Variants in ELP6 observed in about 807,000 individuals in gnomAD.
The protein encoded by ELP6 is elongator acetyltransferase complex subunit 6.
A neutral mutation model predicts 28.1 loss-of-function variants in ELP6; 23 were observed. The ratio of observed to expected loss-of-function variants is 0.82; its 90% CI spans 0.59 to 1.16. The LOEUF is 1.16. ELP6 is among the 50% of genes most tolerant of loss of function. The pLI is 0.00. For missense variants in ELP6, 313 were observed against 334.6 expected, an observed-to-expected ratio of 0.94 and a Z score of 0.50; for synonymous variants, 132 against 135.8, an observed-to-expected ratio of 0.97 and a Z score of 0.19.
chr3:47,501,777 T>G lies in ELP6; in HGVS notation c.398A>C (p.Glu133Ala), dbSNP rs748370247. 6.8e-6 allele frequency: 11 copies of G among 1,613,824 alleles called. No individual in the cohort carries two copies. In the Admixed American group the frequency reaches 1.8e-4, roughly 27 times the overall value. Residue 133 changes from glutamate to alanine, a missense_variant, in exon 5 of 7, where the codon GAG becomes GCG. By Grantham distance (107) the Glu-to-Ala change is moderately radical. Coordinates refer to ENST00000296149, the MANE Select transcript of ELP6 (RefSeq NM_001031703.3). ...CAGCACCGGGTACGTCCACCGAGCC[T>G]CTCCACTGTCTACTGGCTTCAGGGC... ...REALKPVDSG[E>A]ARWTYPVLLV...
intron 5 of ELP6, chr3:47,499,778 G>T (rs2108077594): frequency 5.7e-6 from 6 of 1,055,492 alleles, no homozygotes; most frequent in Non-Finnish European, 5.7e-6. Context: ...GCATGGCCAG[G>T]CCGGGGTCTG....
chr3:47,502,860 G>GA (rs1384923480), intron 4 of ELP6, among the ~76,000 whole-genome samples: 1 of 151,982 alleles, frequency 6.6e-6, no homozygotes, highest in East Asian at 1.9e-4. Flanking sequence ...ATGAAAAGAA[G>GA]AAGTTAAACA....
At position 47,510,254 on chromosome 3, in the gene ELP6, G is replaced by C. The variant is rs1377178856; in HGVS notation, c.134C>G (p.Ala45Gly). Residue 45 changes from alanine to glycine, a missense_variant and splice_region_variant, in exon 3 of 7, where the codon GCT (alanine) becomes GGT (glycine). Transcript: ENST00000296149. ...VHHFLSFYLK[A>G]NCKVCFVALI... ...TGCCACAAAGCAGACTTTACAATTAGCTAGAAAACAAAACAATTATTTTAA... is the reference window on the plus strand; with the variant it reads ...TGCCACAAAGCAGACTTTACAATTACCTAGAAAACAAAACAATTATTTTAA... 6.2e-7 allele frequency: 1 copy of C among 1,611,690 alleles called. No homozygotes were observed.
At chr3:47,501,537 G>A (rs979526992) in intron 5 of ELP6, 113 bp downstream of exon 5, 4 of 1,140,624 alleles carry the variant, frequency 3.5e-6, no homozygotes, top group Non-Finnish European at 5.1e-6. Context: ...GCCTGCCAGA[G>A]TAAAGCCAAA....
intron 3 of ELP6, among the ~76,000 whole-genome samples, chr3:47,509,696 T>C (rs1318766713): frequency 6.6e-6 from 1 of 152,076 alleles, no homozygotes; most frequent in Non-Finnish European, 1.5e-5. Flanking sequence ...GCAGGTCTGG[T>C]TCTACGAAGT....
intron 6 of ELP6, chr3:47,497,166 A>G (rs909081253): frequency 5.9e-5 from 58 of 985,188 alleles, no homozygotes; most frequent in Non-Finnish European, 7.0e-5. Flanking sequence ...GTTCCAGAAG[A>G]GAAGTTTGAG....
rs779396596 is a variant in ELP6, at chr3:47,511,152, GA to G, written c.128del (p.Leu43ProfsTer30). ...CAGCATCAATGAGTCCCATACCTTT[GA>G]GATAGAAGGAGAGAAAGTGGTGTAC... ...FLVHHFLSFY[L>X]KANCKVCFVA... On this transcript the variant is annotated frameshift_variant, in exon 2 of 7. Transcript: ENST00000296149. LOFTEE classifies it high-confidence loss of function. 18 of 1,613,540 alleles carry G rather than the reference GA, an allele frequency of 1.1e-5. No individual in the cohort carries two copies. The highest frequency in any genetic ancestry group is 8.3e-5 in the Admixed American group (5 of 59,972).
chr3:47,501,109 T>C (rs1409068264), intron 5 of ELP6, among the ~76,000 whole-genome samples: 1 of 152,212 alleles, frequency 6.6e-6, no homozygotes, highest in Non-Finnish European at 1.5e-5. Flanking sequence ...AGTATTTACA[T>C]CTAAATGATC....
chr3:47,511,496 C>T (rs760865819), intron 1 of ELP6: 16 of 1,230,482 alleles, frequency 1.3e-5, no homozygotes, highest in Middle Eastern at 3.3e-4. Flanking sequence ...AAACTTATTT[C>T]TCTTCCTCAC....
Position 47,501,922 on chromosome 3 carries a change from G to T in ELP6, c.324-71C>A. On this transcript the variant is annotated intron_variant, in intron 4 of 6. Transcript: ENST00000296149. ...ATGTTTATCAAGGACCAAGTAGCAC[G>T]ACAGGAGAGGGCTAAGGGGGACAAA... 4 of 1,402,578 alleles carry T rather than the reference G, an allele frequency of 2.9e-6. No homozygotes were observed. The South Asian group carries it at 3.8e-5, about 13-fold the overall frequency. 86.9% of individuals were successfully genotyped at this position (1,402,578 alleles called of 1,614,324 possible). A position where few individuals can be genotyped will look rare whatever the true frequency, so the allele number is the denominator to read the frequency against.
At chr3:47,508,538 C>G (rs1448807428) in intron 3 of ELP6, among the ~76,000 whole-genome samples, 1 of 152,148 alleles carries the variant, frequency 6.6e-6, no homozygotes, top group Non-Finnish European at 1.5e-5. Context: ...TGGGTTTTAT[C>G]AAATGCTTTT....
chr3:47,496,934 C>T, intron 6 of ELP6: 2 of 985,436 alleles, frequency 2.0e-6, no homozygotes, highest in Non-Finnish European at 1.2e-6. Context: ...GACTACAATG[C>T]TCTGGGGGTC....
At chr3:47,499,693 C>CAAAAAAAAAAAAAAAA (rs11368069) in intron 5 of ELP6, 1 of 591,854 alleles carries the variant, frequency 1.7e-6, no homozygotes, top group Non-Finnish European at 1.9e-6. Flanking sequence ...AACTCCGTCT[C>CAAAAAAAAAAAAAAAA]AAAAAAAAAA....
intron 3 of ELP6, chr3:47,509,824 C>T (rs372916446): frequency 4.3e-5 from 7 of 161,786 alleles, no homozygotes; most frequent in East Asian, 1.7e-4. Context: ...AGCTGGAGTG[C>T]GATCTCAGCT....
chr3:47,502,299 A>G lies in ELP6; in HGVS notation c.324-448T>C, dbSNP rs976056391. ...GTGGCGCACACCTGTAATACCAGCC[A>G]CTCAGGAGGCTGAGGCAGGAGAATT... On this transcript the variant is annotated intron_variant, in intron 4 of 6. Coordinates refer to ENST00000296149, the MANE Select transcript of ELP6 (RefSeq NM_001031703.3). 9.3e-5 allele frequency: 50 copies of G among 534,780 alleles called. No homozygotes were observed. In the African/African-American group the frequency reaches 9.8e-4, roughly 10 times the overall value. The allele number at this position is 534,780 out of a possible 1,614,324, so 33.1% of individuals were successfully genotyped here.
chr3:47,502,415 CAAAAAAAAAAAAAA>C, intron 4 of ELP6: 2 of 882,996 alleles, frequency 2.3e-6, no homozygotes, highest in Middle Eastern at 5.9e-4. Context: ...GACTCTGTCT[CAAAAAAAAAAAAAA>C]AAAAAAAAAA....
At chr3:47,503,546 C>A in intron 4 of ELP6, 1 of 620,070 alleles carries the variant, frequency 1.6e-6, no homozygotes, top group Non-Finnish European at 2.4e-6. Context: ...CCAAGGACAA[C>A]ATGCAAACAA....
intron 6 of ELP6, among the ~76,000 whole-genome samples, chr3:47,497,631 G>C (rs1379085556): frequency 1.3e-5 from 2 of 150,148 alleles, no homozygotes; most frequent in Admixed American, 1.3e-4. Context: ...GTCTCCACCT[G>C]TAAAAGGAAC....
chr3:47,505,406 T>C (rs1708800462), intron 3 of ELP6, among the ~76,000 whole-genome samples: 1 of 151,878 alleles, frequency 6.6e-6, no homozygotes, highest in African/African-American at 2.4e-5. Context: ...TGAAGCTCAA[T>C]AACTTTTTTT....
Sources: gnomAD v4.1 joint callset for allele counts (sites outside exome capture counted in the v4.1 genomes callset) on GRCh38, gnomAD v4.1.1 for gene constraint, MANE v1.5 for transcripts, NCBI Gene and HGNC (gene_info 2026-07-23, HGNC 2026-07-21) for gene names.